EML6: variants seen among roughly 807,000 people sequenced by gnomAD.
EML6 encodes the protein EMAP like 6.
A neutral mutation model predicts 240.1 loss-of-function variants in EML6; 154 were observed. The observed-to-expected ratio is 0.64, with a 90% CI of 0.56 to 0.73. The LOEUF (loss-of-function observed/expected upper bound fraction) is 0.73, where lower values mean the gene tolerates loss of function less well. EML6 is among the 30% of genes least tolerant of loss of function. The probability of loss-of-function intolerance (pLI) is 0.00; values close to 1 mark genes in which losing one functional copy is unlikely to be tolerated. For synonymous variants in EML6, 1,148 were observed against 899.0 expected, an observed-to-expected ratio of 1.28 and a Z score of -4.95; for missense variants, 2,964 against 2,474.6, an observed-to-expected ratio of 1.20 and a Z score of -4.20.
At chr2:54,834,815 A>G (rs895091566) in intron 7 of EML6, among the ~76,000 whole-genome samples, 2 of 152,222 alleles carry the variant, frequency 1.3e-5, no homozygotes, top group Admixed American at 6.5e-5. Context: ...TGGTCAGGCC[A>G]CCACCATCTT....
chr2:54,892,655 A>G lies in EML6; in HGVS notation c.2741A>G (p.Lys914Arg), dbSNP rs1336178615. Residue 914 changes from lysine to arginine, a missense_variant and splice_region_variant, in exon 19 of 42, where the codon AAG becomes AGG. By Grantham distance (26) the Lys-to-Arg change is conservative. Transcript: ENST00000356458. ...GTGTTTGCTATGTATGCACTGGATA[A>G]GGTATGGCCTGTGTATCAGCATTCA... ...GPVFAMYALD[K>R]GFVTGGKDGI... 1.3e-6 allele frequency: 2 copies of G among 1,548,888 alleles called. No individual in the cohort carries two copies. The highest frequency in any genetic ancestry group is 2.4e-5 in the East Asian group (1 of 40,888).
intron 2 of EML6, among the ~76,000 whole-genome samples, chr2:54,757,136 T>C (rs1348285210): frequency 6.6e-6 from 1 of 152,134 alleles, no homozygotes; most frequent in East Asian, 1.9e-4. Flanking sequence ...AGTATATTAA[T>C]TATGTCCCTC....
At chr2:54,808,699 T>C (rs1558567348) in intron 2 of EML6, among the ~76,000 whole-genome samples, 1 of 152,214 alleles carries the variant, frequency 6.6e-6, no homozygotes, top group African/African-American at 2.4e-5. Flanking sequence ...ATGATTAATA[T>C]TGATGAGTGT....
chr2:54,905,364 ACACACACACACAC>A (rs1673271891), intron 24 of EML6, among the ~76,000 whole-genome samples: 4 of 150,732 alleles, frequency 2.7e-5, no homozygotes, highest in Middle Eastern at 3.4e-3. Flanking sequence ...ACACACACAC[ACACACACACACAC>A]AAAATACCTG....
chr2:54,827,817 C>G, intron 6 of EML6, 66 bp downstream of exon 6: 5 of 1,111,160 alleles, frequency 4.5e-6, no homozygotes, highest in Non-Finnish European at 6.6e-6. Flanking sequence ...GAATCCCTCC[C>G]TGTATGTTTC....
chr2:54,933,834 G>C (rs1350617448), intron 28 of EML6, among the ~76,000 whole-genome samples: 1 of 152,154 alleles, frequency 6.6e-6, no homozygotes, highest in East Asian at 1.9e-4. Context: ...CAAAGTCTCA[G>C]CCAGTTGCCA....
chr2:54,968,076 G>A, intron 39 of EML6, 52 bp from the exon 40 acceptor site: 1 of 1,525,008 alleles, frequency 6.6e-7, no homozygotes, highest in South Asian at 1.2e-5. Context: ...TGACTGCAAG[G>A]AGCCTTCGCC....
intron 26 of EML6, among the ~76,000 whole-genome samples, chr2:54,923,446 TGTA>T (rs1674373154): frequency 6.6e-6 from 1 of 151,386 alleles, no homozygotes; most frequent in East Asian, 1.9e-4. Context: ...TTACCTTGAT[TGTA>T]GTAATTATTT....
chr2:54,832,891 G>A (rs1668953142), intron 7 of EML6, among the ~76,000 whole-genome samples: 3 of 152,264 alleles, frequency 2.0e-5, no homozygotes, highest in Middle Eastern at 3.4e-3. Context: ...TGGACATGAA[G>A]CTTCCTTGTT....
rs766346651 is a variant in EML6 at position 54,903,029 on chromosome 2, T to C, written c.3125-15T>C. 45 of 1,545,086 alleles carry C rather than the reference T, an allele frequency of 2.9e-5. No individual in the cohort carries two copies. The highest frequency in any genetic ancestry group is 3.8e-5 in the Non-Finnish European group (43 of 1,144,988). On this transcript the variant is annotated splice_polypyrimidine_tract_variant and intron_variant, in intron 22 of 41. Coordinates refer to ENST00000356458, the MANE Select transcript of EML6 (RefSeq NM_001039753.4). Reference sequence around the variant, plus strand: ...AGTTTTGGATAATAAGTGTTTTTTGTGGATTCTTCTGTAGGTGGAAGATGC... The same window carrying C: ...AGTTTTGGATAATAAGTGTTTTTTGCGGATTCTTCTGTAGGTGGAAGATGC...
At chr2:54,931,330 A>G (rs570880389) in intron 28 of EML6, among the ~76,000 whole-genome samples, 1 of 152,312 alleles carries the variant, frequency 6.6e-6, no homozygotes, top group Non-Finnish European at 1.5e-5. Flanking sequence ...TTTGAGAGAA[A>G]GCAGGATGAG....
At position 54,967,125 on chromosome 2, in the gene EML6, C is replaced by G. The variant is rs778129087; in HGVS notation, c.5597+22C>G. 6.6e-6 allele frequency: 10 copies of G among 1,505,544 alleles called. No homozygotes were observed. The African/African-American group carries it at 1.4e-4, about 21-fold the overall frequency. 93.3% of individuals were successfully genotyped at this position (1,505,544 alleles called of 1,614,324 possible). A position where few individuals can be genotyped will look rare whatever the true frequency, so the allele number is the denominator to read the frequency against. On this transcript the variant is annotated intron_variant, in intron 39 of 41. Transcript: ENST00000356458. ...CAAGGTGACTGACTGGAAGAAAAAA[C>G]TTGAGGAAAAGGTCACAAGGGAGTC... is the stretch of plus-strand genomic sequence containing the variant.
chr2:54,875,177 C>T (rs1300474400), intron 16 of EML6, among the ~76,000 whole-genome samples: 1 of 152,090 alleles, frequency 6.6e-6, no homozygotes, highest in African/African-American at 2.4e-5. Flanking sequence ...TGCATAGAGG[C>T]CCCCATGTGG....
intron 13 of EML6, among the ~76,000 whole-genome samples, chr2:54,865,756 C>T (rs1426475486): frequency 1.3e-5 from 2 of 152,212 alleles, no homozygotes; most frequent in African/African-American, 4.8e-5. Flanking sequence ...CCTGTATATT[C>T]TCCCTGACAT....
intron 8 of EML6, among the ~76,000 whole-genome samples, chr2:54,847,224 G>A (rs1572994701): frequency 6.6e-6 from 1 of 150,808 alleles, no homozygotes; most frequent in African/African-American, 2.4e-5. Flanking sequence ...TTTTTTTTTT[G>A]TTCTGTGAAT....
chr2:54,827,127 G>A (rs1668635015), intron 5 of EML6, among the ~76,000 whole-genome samples: 1 of 152,150 alleles, frequency 6.6e-6, no homozygotes, highest in South Asian at 2.1e-4. Context: ...GAGCTGAGAT[G>A]GCGCCATTGC....
chr2:54,951,314 C>T (rs1016469816), intron 30 of EML6, among the ~76,000 whole-genome samples: 3 of 152,080 alleles, frequency 2.0e-5, no homozygotes, highest in Admixed American at 6.6e-5. Flanking sequence ...GGGCGGATCA[C>T]CTGAGGTCAG....
chr2:54,885,986 A>G (rs551356577), intron 17 of EML6, among the ~76,000 whole-genome samples: 1 of 152,198 alleles, frequency 6.6e-6, no homozygotes, highest in South Asian at 2.1e-4. Context: ...GTTCACATTC[A>G]TGTAGCCATA....
chr2:54,936,893 T>G (rs1457993772), intron 28 of EML6, among the ~76,000 whole-genome samples: 1 of 152,180 alleles, frequency 6.6e-6, no homozygotes, highest in Non-Finnish European at 1.5e-5. Context: ...AAGCATATTT[T>G]TTTCCTTCCG....
Sources: allele counts gnomAD v4.1 joint callset (sites outside exome capture counted in the v4.1 genomes callset), GRCh38; gene constraint gnomAD v4.1.1; transcripts MANE v1.5; gene names NCBI Gene and HGNC (gene_info 2026-07-23, HGNC 2026-07-21).